Variants in CD38 observed in about 807,000 individuals in gnomAD.
CD38 encodes ADP-ribosyl cyclase/cyclic ADP-ribose hydrolase 1.
Under a neutral mutation model 36.3 loss-of-function variants are expected in CD38, and 31 were observed. The ratio of observed to expected loss-of-function variants is 0.85; its 90% confidence interval spans 0.64 to 1.15. The LOEUF (loss-of-function observed/expected upper bound fraction) is 1.15, where lower values mean the gene tolerates loss of function less well. CD38 is among the 50% of genes most tolerant of loss of function. The probability of loss-of-function intolerance (pLI) is 0.00; values close to 1 mark genes in which losing one functional copy is unlikely to be tolerated. For missense variants in CD38, 380 were observed against 371.9 expected (o/e 1.02, Z -0.18); for synonymous variants, 131 against 135.2 (o/e 0.97, Z 0.22).
At chr4:15,816,302 T>C (rs1456010698) in intron 1 of CD38, among the ~76,000 whole-genome samples, 1 of 152,196 alleles carries the variant, frequency 6.6e-6, no homozygotes, top group Non-Finnish European at 1.5e-5. Flanking sequence ...GAGGAGTCCC[T>C]CTTTTTCTAT....
At position 15,834,298 on chromosome 4, in the gene CD38, G is replaced by T. The variant is rs138630257; in HGVS notation, c.581G>T (p.Arg194Leu). The T allele has an allele frequency of 6.2e-7, 1 of 1,603,120 alleles. No individual in the cohort carries two copies. The highest frequency in any genetic ancestry group is 8.5e-7 in the Non-Finnish European group (1 of 1,169,888). ...TCAGTATTCTGGAAAACGGTTTCCC[G>T]CAGGGTAAGTACCAAGTAGTGAAAT... The part of the protein sequence containing the change: ...PVSVFWKTVS[R>L]RFAEAACDVV... The change falls in exon 4 of 8, where the codon CGC becomes CTC. Residue 194 changes from arginine (R) to leucine (L), a missense_variant. Coordinates refer to ENST00000226279, the MANE Select transcript of CD38 (RefSeq NM_001775.4).
intron 5 of CD38, among the ~76,000 whole-genome samples, chr4:15,839,340 G>A (rs1330787284): frequency 6.6e-6 from 1 of 151,396 alleles, no homozygotes; most frequent in Admixed American, 6.6e-5. Context: ...AAACTTCACT[G>A]AGCATGTGAA....
At chr4:15,788,649 A>C (rs1722892710) in intron 1 of CD38, among the ~76,000 whole-genome samples, 1 of 152,214 alleles carries the variant, frequency 6.6e-6, no homozygotes, top group African/African-American at 2.4e-5. Context: ...GTAAACACAC[A>C]TCAGAATCAG....
Position 15,851,478 on chromosome 4 carries a change from G to T in CD38, c.*2876G>T, listed in dbSNP as rs1226384683. On this transcript the variant is annotated 3_prime_UTR_variant, in exon 8 of 8. Coordinates refer to ENST00000226279, the MANE Select transcript of CD38 (RefSeq NM_001775.4). ...CCATCATGCTTACCCAAAGGCTGTG[G>T]GAATGACCTGGGCCCTAATGCCCCT... 1 of 152,066 alleles carries T rather than the reference G, an allele frequency of 6.6e-6. No individual in the cohort carries two copies. Among genetic ancestry groups the T allele is most frequent in the Non-Finnish European group, 1.5e-5 (1 of 68,014 alleles). The allele number at this position is 152,066 out of a possible 1,614,324, so 9.4% of individuals were successfully genotyped here. A position where few individuals can be genotyped will look rare whatever the true frequency, so the allele number is the denominator to read the frequency against.
chr4:15,819,578 C>T (rs1424340313), intron 2 of CD38, among the ~76,000 whole-genome samples: 2 of 152,006 alleles, frequency 1.3e-5, no homozygotes, highest in African/African-American at 4.8e-5. Context: ...CTGAAAAACA[C>T]AACACGAGAA....
intron 1 of CD38, among the ~76,000 whole-genome samples, chr4:15,790,618 C>T (rs1418391986): frequency 2.0e-5 from 3 of 151,966 alleles, no homozygotes; most frequent in African/African-American, 4.8e-5. Context: ...AAGTGAGGAG[C>T]GTCTCTGCCT....
intron 1 of CD38, among the ~76,000 whole-genome samples, chr4:15,791,981 A>G (rs1723008088): frequency 1.4e-5 from 1 of 70,544 alleles, no homozygotes; most frequent in Non-Finnish European, 2.5e-5. Flanking sequence ...GTGGAATAGA[A>G]AGGCGGGAAG....
chr4:15,824,975 TTGCTG>T lies in CD38; in HGVS notation c.459_463del (p.Ala154Ter). On this transcript the variant is annotated frameshift_variant, in exon 3 of 8. Coordinates refer to ENST00000226279, the MANE Select transcript of CD38 (RefSeq NM_001775.4). LOFTEE classifies it high-confidence loss of function. ...CTGGAGGACACGCTGCTAGGCTACC[TTGCTG>T]ATGACCTCACATGGTGTGGTGAATT... The T allele has an allele frequency of 6.2e-7, 1 of 1,613,830 alleles. No individual in the cohort carries two copies. The highest frequency in any genetic ancestry group is 2.2e-5 in the East Asian group (1 of 44,870).
At chr4:15,786,871 C>T (rs1274942898) in intron 1 of CD38, among the ~76,000 whole-genome samples, 1 of 152,220 alleles carries the variant, frequency 6.6e-6, no homozygotes, top group Non-Finnish European at 1.5e-5. Flanking sequence ...AGGTCCCAAG[C>T]CCTGCCCCGC....
chr4:15,792,519 A>T (rs900087639), intron 1 of CD38, among the ~76,000 whole-genome samples: 13 of 151,968 alleles, frequency 8.6e-5, no homozygotes, highest in African/African-American at 2.9e-4. Flanking sequence ...ATGTTCTCTT[A>T]TGGAAAATTT....
intron 1 of CD38, among the ~76,000 whole-genome samples, chr4:15,811,177 C>T (rs1353911322): frequency 6.6e-6 from 1 of 152,138 alleles, no homozygotes; most frequent in Non-Finnish European, 1.5e-5. Flanking sequence ...AGTCCTGAAA[C>T]AGAAATAATA....
In CD38 at chr4:15,778,879, C is replaced by T. The variant is rs1337803594; in HGVS notation, c.233+232C>T. On this transcript the variant is annotated intron_variant, in intron 1 of 7. Coordinates refer to ENST00000226279, the MANE Select transcript of CD38 (RefSeq NM_001775.4). The surrounding 1 kb of genome is among the most constrained non-coding windows in gnomAD (Gnocchi z 4.9). ...GCGGGAGGCGGGGGGGGGCGCTGCTCGGTGGCTCTGCTGCGTAGCCGGTGA... is the reference window on the plus strand; with the variant it reads ...GCGGGAGGCGGGGGGGGGCGCTGCTTGGTGGCTCTGCTGCGTAGCCGGTGA... 6.6e-6 allele frequency among the ~76,000 whole-genome samples: 1 copy of T among 151,952 alleles called. No homozygotes were observed. Among genetic ancestry groups the T allele is most frequent in the African/African-American group, 2.4e-5 (1 of 41,376 alleles).
At position 15,838,096 on chromosome 4, in the gene CD38, C is replaced by G; in HGVS notation, c.590C>G (p.Ala197Gly). 6.2e-7 allele frequency: 1 copy of G among 1,611,586 alleles called. No homozygotes were observed. The highest frequency in any genetic ancestry group is 8.5e-7 in the Non-Finnish European group (1 of 1,178,908). The change falls in exon 5 of 8, where the codon GCA becomes GGA. Residue 197 changes from alanine (A) to glycine (G), a missense_variant. Coordinates refer to ENST00000226279, the MANE Select transcript of CD38 (RefSeq NM_001775.4). ...VFWKTVSRRF[A>G]EAACDVVHVM... The stretch of plus-strand genomic sequence containing the variant: ...GTGGGCATTTTTTTTTTTAAGTTTG[C>G]AGAAGCTGCCTGTGATGTGGTCCAT...
rs926547736 is a variant in CD38 at position 15,785,578 on chromosome 4, G to A, written c.233+6931G>A. 2.7e-5 allele frequency among the ~76,000 whole-genome samples: 4 copies of A among 150,450 alleles called. No homozygotes were observed. The East Asian group carries it at 7.8e-4, about 29-fold the overall frequency. On this transcript the variant is annotated intron_variant, in intron 1 of 7. Transcript: ENST00000226279. ...CACAATAAACACTCATGGCTTCTCTGCTTCTTCCTTTCTTCTTTGTCTTAG... is the reference window on the plus strand; with the variant it reads ...CACAATAAACACTCATGGCTTCTCTACTTCTTCCTTTCTTCTTTGTCTTAG...
intron 7 of CD38, among the ~76,000 whole-genome samples, chr4:15,841,546 C>CAGATATCTGACCAGTCTAAGCT (rs1560321454): frequency 4.0e-5 from 6 of 151,500 alleles, no homozygotes; most frequent in African/African-American, 1.5e-4. Context: ...AGCAATCTTG[C>CAGATATCTGACCAGTCTAAGCT]GGCGGAGGAG....
chr4:15,841,276 GA>G (rs377733573), intron 7 of CD38, among the ~76,000 whole-genome samples: 16 of 152,154 alleles, frequency 1.1e-4, no homozygotes, highest in African/African-American at 3.9e-4. Context: ...ATGCAGAGAG[GA>G]AAAGCTGTTC....
intron 1 of CD38, among the ~76,000 whole-genome samples, chr4:15,785,459 A>G (rs3796876): frequency 0.45 from 69,028 of 151,788 alleles, 18,910 homozygotes; most frequent in African/African-American, 0.78. Flanking sequence ...CACTGCTCAA[A>G]ACACACACTT....
chr4:15,818,479 C>T (rs1239293075), intron 2 of CD38, among the ~76,000 whole-genome samples: 1 of 152,174 alleles, frequency 6.6e-6, no homozygotes, highest in Non-Finnish European at 1.5e-5. Context: ...GAGGGATTCT[C>T]CCAGCACAGC....
rs1444287701 is a variant in CD38 at position 15,834,302 on chromosome 4, G to T, written c.585G>T (p.Arg195Ser). ...TATTCTGGAAAACGGTTTCCCGCAGGGTAAGTACCAAGTAGTGAAATTCTA... is the reference window on the plus strand; with the variant it reads ...TATTCTGGAAAACGGTTTCCCGCAGTGTAAGTACCAAGTAGTGAAATTCTA... ...VSVFWKTVSR[R>S]FAEAACDVVH... Residue 195 changes from arginine (R) to serine (S), a missense_variant and splice_region_variant, in exon 4 of 8, where the codon AGG becomes AGT. Transcript: ENST00000226279. The T allele has an allele frequency of 1.3e-6, 2 of 1,597,816 alleles. No individual in the cohort carries two copies. Among genetic ancestry groups the T allele is most frequent in the Non-Finnish European group, 1.7e-6 (2 of 1,165,206 alleles).
Sources: gnomAD v4.1 joint callset for allele counts (sites outside exome capture counted in the v4.1 genomes callset) on GRCh38, gnomAD v4.1.1 for gene constraint, Gnocchi (gnomAD v3.1) non-coding constraint, MANE v1.5 for transcripts, NCBI Gene and HGNC (gene_info 2026-07-23, HGNC 2026-07-21) for gene names.